The following MAPK10 variants were observed in gnomAD, a reference collection of about 807,000 sequenced individuals.
The protein encoded by MAPK10 is JNK3 alpha protein kinase.
A neutral mutation model predicts 59.3 loss-of-function variants in MAPK10; 25 were observed. The ratio of observed to expected loss-of-function variants is 0.42; its 90% CI spans 0.31 to 0.59. The LOEUF is 0.59. Ranked by LOEUF, MAPK10 falls within the 20% of genes least tolerant of loss-of-function variation. The pLI, the probability that MAPK10 is intolerant of heterozygous loss-of-function variation, is 0.15. For missense variants in MAPK10, 351 were observed against 568.9 expected (o/e 0.62, Z 3.90); for synonymous variants, 190 against 200.5 (o/e 0.95, Z 0.44).
intron 2 of MAPK10, among the ~76,000 whole-genome samples, chr4:86,302,329 C>T (rs2095487098): frequency 1.3e-5 from 2 of 152,186 alleles, no homozygotes; most frequent in African/African-American, 2.4e-5. Flanking sequence ...GATTCACAGT[C>T]CTGTCTTCAG....
chr4:86,110,633 C>A (rs534296902), intron 4 of MAPK10, among the ~76,000 whole-genome samples: 30 of 152,170 alleles, frequency 2.0e-4, no homozygotes, highest in African/African-American at 7.2e-4. Context: ...TTGGTTATTG[C>A]AGCCTTGTAG....
chr4:86,534,148 T>A (rs1167869394), intron 1 of MAPK10, among the ~76,000 whole-genome samples: 1 of 152,204 alleles, frequency 6.6e-6, no homozygotes, highest in East Asian at 1.9e-4. Context: ...AGAGGCCCTG[T>A]CTTATATGTC....
intron 1 of MAPK10, among the ~76,000 whole-genome samples, chr4:86,414,662 G>A (rs995639700): frequency 5.9e-5 from 9 of 152,078 alleles, no homozygotes; most frequent in African/African-American, 2.2e-4. Context: ...GCCAGTCTGT[G>A]CTAGTTTCTT....
chr4:86,219,814 T>C (rs1041796329), intron 2 of MAPK10: 1 of 152,170 alleles, frequency 6.6e-6, no homozygotes, highest in Non-Finnish European at 1.5e-5. Flanking sequence ...TGCTTTAATA[T>C]CTGTTAACAT....
intron 2 of MAPK10, among the ~76,000 whole-genome samples, chr4:86,275,608 C>T (rs2094552586): frequency 6.6e-6 from 1 of 151,944 alleles, no homozygotes; most frequent in Non-Finnish European, 1.5e-5. Context: ...TTGGTGCAAA[C>T]ATAATTGTGG....
intron 2 of MAPK10, among the ~76,000 whole-genome samples, chr4:86,194,977 G>A (rs894697051): frequency 6.6e-6 from 1 of 151,854 alleles, no homozygotes; most frequent in African/African-American, 2.4e-5. Context: ...ATACAAAAAT[G>A]ATTATATATT....
At chr4:86,507,655 T>TATATATATATACAC (rs1755885816) in intron 1 of MAPK10, among the ~76,000 whole-genome samples, 15 of 71,264 alleles carry the variant, frequency 2.1e-4, no homozygotes, top group South Asian at 5.0e-4. Context: ...TATATATATA[T>TATATATATATACAC]ATATATATAT....
intron 2 of MAPK10, among the ~76,000 whole-genome samples, chr4:86,225,883 C>T (rs2090524262): frequency 6.6e-6 from 1 of 152,106 alleles, no homozygotes; most frequent in South Asian, 2.1e-4. Context: ...AGCCTATCTC[C>T]CCTAATAGAT....
chr4:86,482,326 T>C (rs2149071356), intron 1 of MAPK10, among the ~76,000 whole-genome samples: 1 of 152,268 alleles, frequency 6.6e-6, no homozygotes, highest in South Asian at 2.1e-4. Flanking sequence ...GCCAAAAACT[T>C]AGTGTTACTG....
chr4:86,587,888 G>A (rs916556353), intron 1 of MAPK10, among the ~76,000 whole-genome samples: 7 of 152,172 alleles, frequency 4.6e-5, no homozygotes, highest in South Asian at 2.1e-4. Context: ...GTGGCAATGC[G>A]TGCCTCTAGT....
At chr4:86,336,130 A>T (rs1453905529) in intron 2 of MAPK10, among the ~76,000 whole-genome samples, 1 of 152,254 alleles carries the variant, frequency 6.6e-6, no homozygotes, top group Non-Finnish European at 1.5e-5. Context: ...TGGATAAACA[A>T]GGAAATGTCT....
intron 3 of MAPK10, among the ~76,000 whole-genome samples, chr4:86,174,494 G>A (rs564253323): frequency 2.6e-5 from 4 of 152,252 alleles, no homozygotes; most frequent in African/African-American, 9.6e-5. Flanking sequence ...AGTGCATCAG[G>A]ACAAATAGCT....
chr4:86,103,306 T>C, intron 5 of MAPK10, 62 bp from the exon 6 acceptor site: 9 of 892,818 alleles, frequency 1.0e-5, no homozygotes, highest in Non-Finnish European at 1.5e-5. Flanking sequence ...GAATGTATTA[T>C]TTTTAAATTG....
chr4:86,288,643 CATTTTAGG>C (rs2095112592), intron 2 of MAPK10, among the ~76,000 whole-genome samples: 1 of 151,974 alleles, frequency 6.6e-6, no homozygotes, highest in African/African-American at 2.4e-5. Context: ...CAATAAGTGT[CATTTTAGG>C]AAAAAACCCT....
chr4:86,332,542 C>T (rs1013883891), intron 2 of MAPK10: 2 of 152,142 alleles, frequency 1.3e-5, no homozygotes, highest in Non-Finnish European at 2.9e-5. Context: ...TTTCAGTCCA[C>T]CTTCGTATGG....
chr4:86,312,207 C>A (rs1215669625), intron 2 of MAPK10, among the ~76,000 whole-genome samples: 2 of 152,064 alleles, frequency 1.3e-5, no homozygotes, highest in Admixed American at 1.3e-4. Flanking sequence ...CAGCTTGTGA[C>A]CACATGAAAC....
intron 4 of MAPK10, among the ~76,000 whole-genome samples, chr4:86,155,034 C>A (rs1310060755): frequency 6.6e-6 from 1 of 152,058 alleles, no homozygotes; most frequent in Non-Finnish European, 1.5e-5. Context: ...CTTTTCCAAT[C>A]ATTTTGTGGA....
At chr4:86,514,035 C>G (rs1049384647) in intron 1 of MAPK10, among the ~76,000 whole-genome samples, 1 of 152,138 alleles carries the variant, frequency 6.6e-6, no homozygotes, top group African/African-American at 2.4e-5. Flanking sequence ...CAAACCCTAA[C>G]TACAGGATGA....
At chr4:86,472,423 T>C (rs1470552023) in intron 1 of MAPK10, among the ~76,000 whole-genome samples, 1 of 152,060 alleles carries the variant, frequency 6.6e-6, no homozygotes, top group Non-Finnish European at 1.5e-5. Flanking sequence ...AATTACAGAC[T>C]ACAGAAAAAA....
Sources: allele counts gnomAD v4.1 joint callset (sites outside exome capture counted in the v4.1 genomes callset), GRCh38; gene constraint gnomAD v4.1.1; transcripts MANE v1.5; gene names NCBI Gene and HGNC (gene_info 2026-07-23, HGNC 2026-07-21).